STK31: variants seen among roughly 807,000 people sequenced by gnomAD.
STK31 encodes serine/threonine kinase 31, also known as serine/threonine-protein kinase 31.
STK31 carries 89 observed loss-of-function variants against 129.7 expected under a neutral mutation model. The ratio of observed to expected loss-of-function variants is 0.69; its 90% CI spans 0.58 to 0.82. STK31 has a LOEUF of 0.82. Ranked by LOEUF, STK31 falls within the 40% of genes least tolerant of loss-of-function variation. The pLI is 0.00. For missense variants in STK31, 1,187 were observed against 1,176.4 expected (o/e 1.01, Z -0.13); for synonymous variants, 448 against 395.3 (o/e 1.13, Z -1.58).
At chr7:23,828,905 T>C (rs1339728589) in intron 23 of STK31, among the ~76,000 whole-genome samples, 1 of 152,036 alleles carries the variant, frequency 6.6e-6, no homozygotes, top group Non-Finnish European at 1.5e-5. Flanking sequence ...TTTTTTTGTT[T>C]TTCTTTTTTT....
chr7:23,830,592 T>TGTG (rs1794483467), intron 23 of STK31, among the ~76,000 whole-genome samples: 21 of 142,246 alleles, frequency 1.5e-4, no homozygotes, highest in South Asian at 6.9e-4. Context: ...AATTTCCATG[T>TGTG]TGTGTGTGTG....
intron 8 of STK31, among the ~76,000 whole-genome samples, 177 bp downstream of exon 8, chr7:23,737,255 G>A (rs1787774087): frequency 6.6e-6 from 1 of 151,916 alleles, no homozygotes; most frequent in South Asian, 2.1e-4. Flanking sequence ...ATCATCTTTG[G>A]ATTTCATTGG....
Position 23,787,462 on chromosome 7 carries a change from G to A in STK31, c.2488-518G>A, listed in dbSNP as rs1024373334. The stretch of plus-strand genomic sequence containing the variant: ...GCAGACTGGTACCAGTCTGTGGCCT[G>A]TTAAGAACAGGGCGGCACAGCAGGA... On this transcript the variant is annotated intron_variant, in intron 20 of 23. Coordinates refer to ENST00000355870, the MANE Select transcript of STK31 (RefSeq NM_031414.5). Among the ~76,000 whole-genome samples, 4 of 152,068 alleles carry A rather than the reference G, an allele frequency of 2.6e-5. No homozygotes were observed. The East Asian group carries it at 7.7e-4, about 29-fold the overall frequency.
At chr7:23,752,854 A>G (rs1788800704) in intron 9 of STK31, 22 bp downstream of exon 9, 1 of 1,486,194 alleles carries the variant, frequency 6.7e-7, no homozygotes, top group African/African-American at 1.4e-5. Flanking sequence ...CATATTTTTC[A>G]GAAGGATATT....
intron 8 of STK31, among the ~76,000 whole-genome samples, chr7:23,746,463 T>C (rs1351666961): frequency 6.6e-6 from 1 of 152,196 alleles, no homozygotes; most frequent in Non-Finnish European, 1.5e-5. Context: ...TCTTAGATGA[T>C]CTATTTGAAG....
At chr7:23,717,389 A>C in intron 3 of STK31, 92 bp from the exon 4 acceptor site, 1 of 722,672 alleles carries the variant, frequency 1.4e-6, no homozygotes, top group South Asian at 2.9e-5. Flanking sequence ...ATGGCCTAAA[A>C]TCTTTTAAGT....
chr7:23,815,102 T>A (rs1341913453), intron 22 of STK31, 42 bp from the exon 23 acceptor site: 3 of 1,468,702 alleles, frequency 2.0e-6, no homozygotes, highest in Middle Eastern at 3.9e-4. Flanking sequence ...GATTGGCGTA[T>A]TAATACATTG....
At chr7:23,806,919 A>T (rs1792748594) in intron 22 of STK31, among the ~76,000 whole-genome samples, 1 of 151,388 alleles carries the variant, frequency 6.6e-6, no homozygotes, top group Non-Finnish European at 1.5e-5. Flanking sequence ...AAAAAAAAAA[A>T]AAAGAGAGAT....
At chr7:23,782,275 C>A (rs1307137135) in intron 16 of STK31, among the ~76,000 whole-genome samples, 3 of 151,690 alleles carry the variant, frequency 2.0e-5, no homozygotes. Flanking sequence ...GAGTTTGAGA[C>A]CAGCTTGGGC....
At chr7:23,754,556 A>T (rs189203911) in intron 10 of STK31, 82 bp downstream of exon 10, 1 of 1,442,286 alleles carries the variant, frequency 6.9e-7, no homozygotes, top group African/African-American at 1.4e-5. Context: ...TAAAAAAAAT[A>T]ACAGGATACA....
intron 22 of STK31, among the ~76,000 whole-genome samples, chr7:23,812,465 T>A (rs1229091268): frequency 1.3e-5 from 2 of 151,518 alleles, no homozygotes; most frequent in African/African-American, 4.8e-5. Context: ...GCACATCTTC[T>A]TTAATCTTCT....
At chr7:23,710,996 C>T (rs1785919860) in intron 1 of STK31, among the ~76,000 whole-genome samples, 1 of 152,090 alleles carries the variant, frequency 6.6e-6, no homozygotes, top group African/African-American at 2.4e-5. Flanking sequence ...CATTTTCATG[C>T]CACTTACGAA....
chr7:23,807,200 C>T (rs1017961112), intron 22 of STK31, among the ~76,000 whole-genome samples: 1 of 151,848 alleles, frequency 6.6e-6, no homozygotes, highest in Non-Finnish European at 1.5e-5. Flanking sequence ...TCATTTTTAT[C>T]CTAATAACTT....
At chr7:23,763,564 TAAC>T (rs1214012618) in intron 11 of STK31, among the ~76,000 whole-genome samples, 1 of 152,214 alleles carries the variant, frequency 6.6e-6, no homozygotes, top group Non-Finnish European at 1.5e-5. Context: ...TTTCTTCATT[TAAC>T]TTTTATTTAT....
At chr7:23,794,603 G>A (rs1791838145) in intron 22 of STK31, among the ~76,000 whole-genome samples, 1 of 152,142 alleles carries the variant, frequency 6.6e-6, no homozygotes, top group Non-Finnish European at 1.5e-5. Context: ...GGAAGATGTG[G>A]GAAAGTTTGG....
intron 11 of STK31, among the ~76,000 whole-genome samples, chr7:23,764,823 C>A (rs1036769769): frequency 6.6e-6 from 1 of 151,792 alleles, no homozygotes; most frequent in African/African-American, 2.4e-5. Flanking sequence ...AAATGTGTAT[C>A]CCCCCCATGA....
chr7:23,815,253 C>A, intron 23 of STK31, 41 bp downstream of exon 23: 1 of 1,341,474 alleles, frequency 7.5e-7, no homozygotes, highest in Non-Finnish European at 1.0e-6. Flanking sequence ...GAAACACATG[C>A]AGTAATATAA....
At chr7:23,825,616 T>G (rs1308773192) in intron 23 of STK31, among the ~76,000 whole-genome samples, 2 of 152,234 alleles carry the variant, frequency 1.3e-5, no homozygotes, top group Non-Finnish European at 2.9e-5. Context: ...TGCTCTAATC[T>G]TAGTTATTTC....
intron 23 of STK31, among the ~76,000 whole-genome samples, chr7:23,829,387 A>G (rs1411925872): frequency 3.3e-5 from 5 of 152,148 alleles, no homozygotes; most frequent in Non-Finnish European, 4.4e-5. Flanking sequence ...ATCGTTTGCC[A>G]TATGGTTTTT....
Sources: gnomAD v4.1 joint callset for allele counts (sites outside exome capture counted in the v4.1 genomes callset) on GRCh38, gnomAD v4.1.1 for gene constraint, MANE v1.5 for transcripts, NCBI Gene and HGNC (gene_info 2026-07-23, HGNC 2026-07-21) for gene names.